The following RABGAP1L variants were observed in gnomAD, a reference collection of about 807,000 sequenced individuals.
RABGAP1L encodes the protein RAB GTPase activating protein 1 like, also known as rab GTPase-activating protein 1-like.
Under a neutral mutation model 137.7 loss-of-function variants are expected in RABGAP1L, and 63 were observed. The ratio of observed to expected loss-of-function variants is 0.46; its 90% CI spans 0.37 to 0.56. RABGAP1L has a LOEUF of 0.56. Among genes scored for constraint, RABGAP1L ranks in the 20% least tolerant of loss-of-function variants. RABGAP1L has a pLI of 0.00. For synonymous variants in RABGAP1L, 431 were observed against 433.7 expected (o/e 0.99, Z 0.08); for missense variants, 1,095 against 1,244.0 (o/e 0.88, Z 1.80).
At chr1:174,391,246 C>A (rs1237441358) in intron 12 of RABGAP1L, among the ~76,000 whole-genome samples, 1 of 152,130 alleles carries the variant, frequency 6.6e-6, no homozygotes, top group African/African-American at 2.4e-5. Flanking sequence ...TGCTTCCATA[C>A]CAACTCTTGA....
At chr1:174,278,279 AC>A (rs1300164555) in intron 9 of RABGAP1L, among the ~76,000 whole-genome samples, 1 of 151,868 alleles carries the variant, frequency 6.6e-6, no homozygotes, top group African/African-American at 2.4e-5. Flanking sequence ...TGTGGCGGGC[AC>A]CTGTAATCCC....
chr1:174,565,350 G>A (rs889552968), intron 13 of RABGAP1L, among the ~76,000 whole-genome samples: 1 of 152,112 alleles, frequency 6.6e-6, no homozygotes, highest in African/African-American at 2.4e-5. Flanking sequence ...GCTGTACATT[G>A]ACATACTATA....
chr1:174,336,522 G>A (rs1157162383), intron 11 of RABGAP1L, among the ~76,000 whole-genome samples: 2 of 152,152 alleles, frequency 1.3e-5, no homozygotes, highest in Non-Finnish European at 2.9e-5. Context: ...TGTGTGGCAG[G>A]CACTGGTTAA....
intron 13 of RABGAP1L, among the ~76,000 whole-genome samples, chr1:174,487,428 A>G (rs1023569356): frequency 1.1e-4 from 17 of 152,046 alleles, no homozygotes; most frequent in African/African-American, 3.6e-4. Flanking sequence ...TATTTTGTCT[A>G]TTAGAACTAT....
At chr1:174,301,682 G>A (rs1021730270) in intron 10 of RABGAP1L, among the ~76,000 whole-genome samples, 1 of 152,158 alleles carries the variant, frequency 6.6e-6, no homozygotes, top group Non-Finnish European at 1.5e-5. Flanking sequence ...CCCAAAGTCA[G>A]GTGGCCTCTC....
At chr1:174,410,656 T>A (rs1459016833) in intron 13 of RABGAP1L, among the ~76,000 whole-genome samples, 1 of 152,196 alleles carries the variant, frequency 6.6e-6, no homozygotes, top group Non-Finnish European at 1.5e-5. Context: ...TTATATATAG[T>A]ATGAATTCAG....
At chr1:174,390,290 A>G (rs1177687794) in intron 12 of RABGAP1L, among the ~76,000 whole-genome samples, 1 of 152,120 alleles carries the variant, frequency 6.6e-6, no homozygotes, top group African/African-American at 2.4e-5. Flanking sequence ...GAGAAAAGAC[A>G]TTTTCATTAT....
At chr1:174,877,951 G>T (rs1653427102) in intron 19 of RABGAP1L, among the ~76,000 whole-genome samples, 1 of 152,168 alleles carries the variant, frequency 6.6e-6, no homozygotes, top group African/African-American at 2.4e-5. Context: ...CTACCAGTGA[G>T]TAATAACATC....
chr1:174,893,107 T>G (rs1656527942), intron 19 of RABGAP1L: 1 of 351,022 alleles, frequency 2.8e-6, no homozygotes, highest in Non-Finnish European at 5.9e-6. Context: ...TGGTGACAAA[T>G]TTTTTATAAT....
chr1:174,218,050 C>A (rs957083965), intron 1 of RABGAP1L, among the ~76,000 whole-genome samples: 1 of 152,066 alleles, frequency 6.6e-6, no homozygotes, highest in Non-Finnish European at 1.5e-5. Context: ...TTAGCCCTAG[C>A]CTGCTTGTCC....
chr1:174,298,714 G>A (rs552798209), intron 10 of RABGAP1L, among the ~76,000 whole-genome samples: 62 of 152,294 alleles, frequency 4.1e-4, no homozygotes, highest in African/African-American at 1.5e-3. Flanking sequence ...CCAGATAACT[G>A]GTGCTAAGAT....
intron 14 of RABGAP1L, among the ~76,000 whole-genome samples, chr1:174,673,392 T>C (rs945202041): frequency 6.6e-6 from 1 of 152,110 alleles, no homozygotes; most frequent in Admixed American, 6.5e-5. Flanking sequence ...TTTTTTAGAC[T>C]GAGTGATTGC....
intron 14 of RABGAP1L, among the ~76,000 whole-genome samples, chr1:174,662,285 G>C (rs969405074): frequency 1.3e-5 from 2 of 151,932 alleles, no homozygotes; most frequent in African/African-American, 4.8e-5. Flanking sequence ...TGTATTTGTA[G>C]TAGAGACGGG....
chr1:174,492,137 TC>T (rs1660299388), intron 13 of RABGAP1L, among the ~76,000 whole-genome samples: 1 of 151,996 alleles, frequency 6.6e-6, no homozygotes, highest in African/African-American at 2.4e-5. Context: ...AGTGTAGCTT[TC>T]TATTCCGCCA....
intron 19 of RABGAP1L, among the ~76,000 whole-genome samples, chr1:174,887,395 A>G (rs1655340813): frequency 6.6e-6 from 1 of 152,150 alleles, no homozygotes; most frequent in South Asian, 2.1e-4. Context: ...AATGACATAT[A>G]CTCATTGAAA....
chr1:174,715,133 A>G (rs1448005574), intron 17 of RABGAP1L, among the ~76,000 whole-genome samples: 4 of 152,152 alleles, frequency 2.6e-5, no homozygotes, highest in South Asian at 2.1e-4. Context: ...GCAGTGTGCA[A>G]TTTTGACCCA....
At position 174,329,741 on chromosome 1, in the gene RABGAP1L, A is replaced by G. The variant is rs188692400; in HGVS notation, c.1465+24614A>G. 5.0e-3 allele frequency among the ~76,000 whole-genome samples: 761 copies of G among 152,294 alleles called. 5 individuals are homozygous for G. The highest frequency in any genetic ancestry group is 7.4e-3 in the Non-Finnish European group (503 of 68,010). On this transcript the variant is annotated intron_variant, in intron 11 of 25. Transcript: ENST00000681986. ...AGGATAAAACTATGTGGTCATTTCAATTGATACAGAGAGAGCATGTGACAG... is the reference window on the plus strand; with the variant it reads ...AGGATAAAACTATGTGGTCATTTCAGTTGATACAGAGAGAGCATGTGACAG...
At chr1:174,481,767 A>C (rs1270398133) in intron 13 of RABGAP1L, among the ~76,000 whole-genome samples, 2 of 152,088 alleles carry the variant, frequency 1.3e-5, no homozygotes, top group Non-Finnish European at 2.9e-5. Context: ...AAAGATCCCC[A>C]TGTCTTATTC....
intron 18 of RABGAP1L, among the ~76,000 whole-genome samples, chr1:174,772,375 C>T (rs184984812): frequency 1.0e-3 from 159 of 151,916 alleles, no homozygotes; most frequent in Admixed American, 2.7e-3. Flanking sequence ...GTCAGGAGTT[C>T]GAGATCACCC....
Sources: allele counts gnomAD v4.1 joint callset (sites outside exome capture counted in the v4.1 genomes callset), GRCh38; gene constraint gnomAD v4.1.1; transcripts MANE v1.5; gene names NCBI Gene and HGNC (gene_info 2026-07-23, HGNC 2026-07-21).